The following SLC7A6 variants were observed in gnomAD, a reference collection of about 807,000 sequenced individuals.
The protein encoded by SLC7A6 is Y+L amino acid transporter 2.
In SLC7A6, 29 loss-of-function variants were observed where a neutral mutation model predicts 46.6. The observed-to-expected ratio is 0.62, with a 90% CI of 0.46 to 0.85. The LOEUF is 0.85. SLC7A6 is among the 40% of genes least tolerant of loss of function. The probability of loss-of-function intolerance (pLI) is 0.00; values close to 1 mark genes in which losing one functional copy is unlikely to be tolerated. For missense variants in SLC7A6, 527 were observed against 647.6 expected (o/e 0.81, Z 2.02); for synonymous variants, 276 against 257.3 (o/e 1.07, Z -0.70).
chr16:68,273,699 G>C (rs567625245), intron 2 of SLC7A6: 1 of 151,922 alleles, frequency 6.6e-6, no homozygotes, highest in Admixed American at 6.6e-5. Flanking sequence ...TTTGGAAAAA[G>C]AAAGATGTGG....
Position 68,287,877 on chromosome 16 carries a change from T to C in SLC7A6, c.649+6T>C, listed in dbSNP as rs778464893. On this transcript the variant is annotated splice_donor_region_variant and intron_variant, in intron 4 of 10. Coordinates refer to ENST00000219343, the MANE Select transcript of SLC7A6 (RefSeq NM_003983.6). ...CCTTGTTAAACTGTGCCAGGGTAAG[T>C]GGTGGGAAGGGGGGTACCACCAACA... 1.9e-6 allele frequency: 3 copies of C among 1,613,132 alleles called. No individual in the cohort carries two copies. Among genetic ancestry groups the C allele is most frequent in the Non-Finnish European group, 2.5e-6 (3 of 1,179,458 alleles).
At chr16:68,267,459 C>T (rs1471603860) in intron 2 of SLC7A6, among the ~76,000 whole-genome samples, 1 of 152,094 alleles carries the variant, frequency 6.6e-6, no homozygotes, top group Non-Finnish European at 1.5e-5. Flanking sequence ...AGGCGATCCA[C>T]CCGCCTCAGC....
chr16:68,287,466 G>A, intron 3 of SLC7A6: 1 of 1,349,130 alleles, frequency 7.4e-7, no homozygotes, highest in Non-Finnish European at 9.7e-7. Context: ...CTGGGCCTGG[G>A]GGGAATTCCC....
chr16:68,290,848 C>T (rs547281360), intron 5 of SLC7A6: 14 of 482,718 alleles, frequency 2.9e-5, no homozygotes, highest in South Asian at 2.4e-4. Context: ...GCTGACACTA[C>T]AGCCCGCAGA....
intron 3 of SLC7A6, among the ~76,000 whole-genome samples, chr16:68,280,751 T>C (rs928993153): frequency 6.6e-6 from 1 of 151,720 alleles, no homozygotes; most frequent in Non-Finnish European, 1.5e-5. Context: ...TTTTTTTTTT[T>C]TGAGACAGAG....
At chr16:68,293,738 A>G (rs1476885340) in intron 7 of SLC7A6, among the ~76,000 whole-genome samples, 2 of 152,178 alleles carry the variant, frequency 1.3e-5, no homozygotes, top group Non-Finnish European at 2.9e-5. Flanking sequence ...GCCTATGCAC[A>G]TGCTCGTTTT....
chr16:68,287,019 C>G lies in SLC7A6; in HGVS notation c.524-727C>G, dbSNP rs1458666190. Among the ~76,000 whole-genome samples the G allele has an allele frequency of 1.8e-4, 25 of 142,098 alleles. No individual in the cohort carries two copies. In the Admixed American group the frequency reaches 1.8e-3, roughly 10 times the overall value. 93.2% of individuals were successfully genotyped at this position (142,098 alleles called of 152,430 possible). A position where few individuals can be genotyped will look rare whatever the true frequency, so the allele number is the denominator to read the frequency against. On this transcript the variant is annotated intron_variant, in intron 3 of 10. Transcript: ENST00000219343. ...TTTTTTTTTTTTTTTGAGACGAGGT[C>G]TTACTCTGTCATCAGGCTGGAGTGC... is the stretch of plus-strand genomic sequence containing the variant.
chr16:68,271,725 G>T (rs2042626643), intron 2 of SLC7A6, among the ~76,000 whole-genome samples: 1 of 152,182 alleles, frequency 6.6e-6, no homozygotes, highest in Non-Finnish European at 1.5e-5. Flanking sequence ...TCACAATTTT[G>T]CTCTTGGGTG....
At chr16:68,280,597 A>T (rs1178468825) in intron 3 of SLC7A6, among the ~76,000 whole-genome samples, 5 of 152,162 alleles carry the variant, frequency 3.3e-5, no homozygotes, top group Non-Finnish European at 5.9e-5. Context: ...AAAAAAAAAA[A>T]AAATTTCTTT....
intron 8 of SLC7A6, 61 bp from the exon 9 acceptor site, chr16:68,296,303 G>A: frequency 6.3e-7 from 1 of 1,596,962 alleles, no homozygotes; most frequent in African/African-American, 1.3e-5. Context: ...CTGGGTGGGG[G>A]AGTCTCCTGG....
At position 68,296,741 on chromosome 16, in the gene SLC7A6, G is replaced by A; in HGVS notation, c.1384G>A (p.Val462Ile). 1 of 1,614,166 alleles carries A rather than the reference G, an allele frequency of 6.2e-7. No homozygotes were observed. The highest frequency in any genetic ancestry group is 8.5e-7 in the Non-Finnish European group (1 of 1,180,034). ...TGGCATCGGGATTGCCCTTTCTGGA[G>A]TCCCTTTCTACTTCATGGGTGTTTA... ...LIGIGIALSG[V>I]PFYFMGVYLP... Residue 462 changes from valine (V) to isoleucine (I), a missense_variant, in exon 10 of 11, where the codon GTC (valine) becomes ATC (isoleucine). Coordinates refer to ENST00000219343, the MANE Select transcript of SLC7A6 (RefSeq NM_003983.6).
intron 7 of SLC7A6, among the ~76,000 whole-genome samples, chr16:68,294,359 A>G (rs1453769861): frequency 6.6e-6 from 1 of 152,176 alleles, no homozygotes; most frequent in East Asian, 1.9e-4. Flanking sequence ...TTAGCTATGA[A>G]TCTGGCATGG....
chr16:68,268,007 T>C (rs1298779854), intron 2 of SLC7A6, among the ~76,000 whole-genome samples: 2 of 152,172 alleles, frequency 1.3e-5, no homozygotes, highest in Admixed American at 1.3e-4. Flanking sequence ...ACAAGGAAAG[T>C]CTGTGACCCT....
intron 2 of SLC7A6, among the ~76,000 whole-genome samples, chr16:68,273,383 G>C (rs559539044): frequency 6.6e-6 from 1 of 152,116 alleles, no homozygotes; most frequent in East Asian, 1.9e-4. Context: ...TAACTGTTAC[G>C]TGGGTGGGAA....
At chr16:68,278,449 G>A (rs1444289932) in intron 3 of SLC7A6, among the ~76,000 whole-genome samples, 10 of 151,540 alleles carry the variant, frequency 6.6e-5, no homozygotes, top group Admixed American at 2.0e-4. Context: ...AGGACCCTGC[G>A]GCCTTTTTTT....
chr16:68,265,845 G>C (rs1396406202), intron 1 of SLC7A6: 1 of 152,126 alleles, frequency 6.6e-6, no homozygotes, highest in Non-Finnish European at 1.5e-5. Flanking sequence ...TTTGGCCGTG[G>C]ATGTATTTTT....
intron 1 of SLC7A6, among the ~76,000 whole-genome samples, chr16:68,266,247 G>A (rs987133214): frequency 6.6e-6 from 1 of 151,978 alleles, no homozygotes; most frequent in South Asian, 2.1e-4. Context: ...GCAACAGAGC[G>A]AGACTCCATC....
chr16:68,269,934 C>G (rs1420130425), intron 2 of SLC7A6, among the ~76,000 whole-genome samples: 1 of 151,956 alleles, frequency 6.6e-6, no homozygotes, highest in Non-Finnish European at 1.5e-5. Context: ...TGCCTGGCTA[C>G]TTTTTAATTT....
chr16:68,282,657 G>T (rs1478112985), intron 3 of SLC7A6, among the ~76,000 whole-genome samples: 1 of 149,420 alleles, frequency 6.7e-6, no homozygotes, highest in East Asian at 2.0e-4. Context: ...TCACTCTGTT[G>T]CCCAGGCTGG....
Sources: allele counts gnomAD v4.1 joint callset (sites outside exome capture counted in the v4.1 genomes callset), GRCh38; gene constraint gnomAD v4.1.1; transcripts MANE v1.5; gene names NCBI Gene and HGNC (gene_info 2026-07-23, HGNC 2026-07-21).